The following CDH4 variants were observed in gnomAD, a reference collection of about 807,000 sequenced individuals.
The protein encoded by CDH4 is cadherin-4.
In CDH4, 33 loss-of-function variants were observed where a neutral mutation model predicts 86.0. The observed-to-expected ratio is 0.38, with a 90% CI of 0.29 to 0.51. CDH4 has a LOEUF of 0.51. Ranked by LOEUF, CDH4 falls within the 20% of genes least tolerant of loss-of-function variation. CDH4 has a pLI of 0.86. For missense variants in CDH4, 1,114 were observed against 1,307.4 expected, an observed-to-expected ratio of 0.85 and a Z score of 2.28; for synonymous variants, 555 against 549.4, an observed-to-expected ratio of 1.01 and a Z score of -0.14.
intron 4 of CDH4, among the ~76,000 whole-genome samples, chr20:61,773,996 A>G (rs1296252579): frequency 1.3e-5 from 2 of 152,274 alleles, no homozygotes; most frequent in East Asian, 1.9e-4. Flanking sequence ...AATTTTTTGT[A>G]TCCCTAACCT....
intron 3 of CDH4, among the ~76,000 whole-genome samples, chr20:61,757,008 C>T (rs1455142603): frequency 6.6e-6 from 1 of 152,244 alleles, no homozygotes; most frequent in Non-Finnish European, 1.5e-5. Context: ...AATAAATAAA[C>T]AGCAACAGTG....
rs1468230450 is a variant in CDH4 at position 61,923,622 on chromosome 20, C to T, written c.1546C>T (p.Leu516=). Residue 516 remains leucine (L), a synonymous_variant, in exon 10 of 16, where the codon CTG becomes TTG. Transcript: ENST00000614565. ...YFPSNHKLIR[L]EEGVPPGTVL... ...CCCCTCAAACCACAAGCTGATCCGC[C>T]TGGAGGAGGGCGTGCCCCCCGGCAC... 1 of 1,614,148 alleles carries T rather than the reference C, an allele frequency of 6.2e-7. No individual in the cohort carries two copies. Among genetic ancestry groups the T allele is most frequent in the South Asian group, 1.1e-5 (1 of 91,086 alleles).
intron 8 of CDH4, among the ~76,000 whole-genome samples, chr20:61,896,650 C>T (rs776634027): frequency 1.9e-4 from 29 of 152,228 alleles, no homozygotes; most frequent in Non-Finnish European, 3.8e-4. Flanking sequence ...GCCAGGAAGG[C>T]GTTCAGATGG....
At chr20:61,642,159 G>C (rs2087017686) in intron 2 of CDH4, among the ~76,000 whole-genome samples, 1 of 152,264 alleles carries the variant, frequency 6.6e-6, no homozygotes, top group Non-Finnish European at 1.5e-5. Context: ...GAAAAAATGA[G>C]TATGGTCTAG....
At position 61,902,504 on chromosome 20, in the gene CDH4, G is replaced by A. The variant is rs2054737565; in HGVS notation, c.1188+7457G>A. 6.6e-6 allele frequency among the ~76,000 whole-genome samples: 1 copy of A among 152,270 alleles called. No homozygotes were observed. The highest frequency in any genetic ancestry group is 1.5e-5 in the Non-Finnish European group (1 of 68,048). On this transcript the variant is annotated intron_variant, in intron 8 of 15. Transcript: ENST00000614565. This position sits in a 1 kb window ranked among gnomAD's most constrained non-coding sequence, Gnocchi z 4.6. ...TTCCCAGGGATTTGCAGGCAAATGA[G>A]CGGCCGTTGACACAGGGACAGGCAC...
In CDH4 at chr20:61,404,555, G is replaced by GACGCCACT. The variant is rs796586247; in HGVS notation, c.169+149619_169+149626dup. Among the ~76,000 whole-genome samples, 42 of 152,098 alleles carry GACGCCACT rather than the reference G, an allele frequency of 2.8e-4. 1 individual carries two copies. The South Asian group carries it at 8.1e-3, about 29-fold the overall frequency. On this transcript the variant is annotated intron_variant, in intron 2 of 15. Coordinates refer to ENST00000614565, the MANE Select transcript of CDH4 (RefSeq NM_001794.5). ...TGCAAGAGGAGGCCTGATTATTCCC[G>GACGCCACT]ACGCCACTTGCATTGAGGCACAGAG...
chr20:61,704,139 T>C (rs2087805624), intron 2 of CDH4, among the ~76,000 whole-genome samples: 1 of 152,036 alleles, frequency 6.6e-6, no homozygotes, highest in African/African-American at 2.4e-5. Context: ...GTCAGGACAG[T>C]CCTCGGCATC....
chr20:61,712,812 C>T (rs1180433788), intron 2 of CDH4, among the ~76,000 whole-genome samples: 1 of 152,188 alleles, frequency 6.6e-6, no homozygotes, highest in Non-Finnish European at 1.5e-5. Context: ...TCAGAGCTGG[C>T]CCCATGCCCT....
At chr20:61,466,691 G>C (rs1307548992) in intron 2 of CDH4, among the ~76,000 whole-genome samples, 2 of 151,790 alleles carry the variant, frequency 1.3e-5, no homozygotes, top group East Asian at 3.9e-4. Flanking sequence ...CTATACAAAA[G>C]TATTAAAAAA....
At position 61,660,638 on chromosome 20, in the gene CDH4, G is replaced by A. The variant is rs60763673; in HGVS notation, c.170-82925G>A. Among the ~76,000 whole-genome samples the A allele has an allele frequency of 1.1e-4, 17 of 152,216 alleles. No individual in the cohort carries two copies. In the East Asian group the frequency reaches 1.9e-3, roughly 17 times the overall value. ...CGTTCCCGGCAGGACCTGTGGGTTC[G>A]TGGATGTCACTGAGTCTGGACCCTC... On this transcript the variant is annotated intron_variant, in intron 2 of 15. Transcript: ENST00000614565.
intron 2 of CDH4, among the ~76,000 whole-genome samples, chr20:61,565,275 T>TCGGTGGTAGG (rs2086276281): frequency 1.2e-5 from 1 of 86,220 alleles, no homozygotes; most frequent in Non-Finnish European, 2.3e-5. Context: ...GGTGGTCCTC[T>TCGGTGGTAGG]TGGTGATGGG....
At chr20:61,445,133 C>G (rs372788000) in intron 2 of CDH4, among the ~76,000 whole-genome samples, 4 of 152,142 alleles carry the variant, frequency 2.6e-5, no homozygotes, top group East Asian at 1.9e-4. Flanking sequence ...ACTCTTCCCC[C>G]ACTCCCTATT....
chr20:61,550,775 A>G (rs920845426), intron 2 of CDH4, among the ~76,000 whole-genome samples: 2 of 152,126 alleles, frequency 1.3e-5, no homozygotes, highest in Non-Finnish European at 2.9e-5. Flanking sequence ...CTTCTGGATT[A>G]GGACCTGGCC....
rs2088235811 is a variant in CDH4 at position 61,734,492 on chromosome 20, A to G, written c.170-9071A>G. On this transcript the variant is annotated intron_variant, in intron 2 of 15. Transcript: ENST00000614565. ...CATGCTTTGCATTGGGGCATCTACT[A>G]CACGGGATCTGGAGGTGCCCAGAGC... is the stretch of plus-strand genomic sequence containing the variant. Among the ~76,000 whole-genome samples the G allele has an allele frequency of 3.9e-5, 6 of 152,370 alleles. No individual in the cohort carries two copies. In the South Asian group the frequency reaches 1.2e-3, roughly 32 times the overall value.
At chr20:61,577,783 C>T (rs1414591288) in intron 2 of CDH4, among the ~76,000 whole-genome samples, 1 of 152,020 alleles carries the variant, frequency 6.6e-6, no homozygotes, top group East Asian at 1.9e-4. Context: ...CTGGGCAGCC[C>T]CAGGAAAACA....
chr20:61,686,499 G>T (rs1371133185), intron 2 of CDH4, among the ~76,000 whole-genome samples: 1 of 151,604 alleles, frequency 6.6e-6, no homozygotes, highest in African/African-American at 2.4e-5. Flanking sequence ...GCATTCGCGT[G>T]TGTGTATATG....
rs755810086 is a variant in CDH4, at chr20:61,811,323, C to G, written c.577-33345C>G. Among the ~76,000 whole-genome samples, 5 of 152,186 alleles carry G rather than the reference C, an allele frequency of 3.3e-5. No homozygotes were observed. Among genetic ancestry groups the G allele is most frequent in the African/African-American group, 4.8e-5 (2 of 41,452 alleles). ...GCCGGCAGCCCAAGACCGCCCTCATCGGGGGTGGGAATGAAATGCCCCTTC... is the reference window on the plus strand; with the variant it reads ...GCCGGCAGCCCAAGACCGCCCTCATGGGGGGTGGGAATGAAATGCCCCTTC... On this transcript the variant is annotated intron_variant, in intron 4 of 15. Transcript: ENST00000614565. This position sits in a 1 kb window ranked among gnomAD's most constrained non-coding sequence, Gnocchi z 4.4.
intron 2 of CDH4, among the ~76,000 whole-genome samples, chr20:61,605,451 TTCTCTG>T (rs997546797): frequency 7.9e-5 from 12 of 151,282 alleles, no homozygotes; most frequent in Non-Finnish European, 1.5e-4. Context: ...CTCTCTCTCT[TTCTCTG>T]TCTCTGTCTC....
chr20:61,366,976 T>A (rs1194499753), intron 2 of CDH4, among the ~76,000 whole-genome samples: 1 of 152,116 alleles, frequency 6.6e-6, no homozygotes, highest in Non-Finnish European at 1.5e-5. Context: ...TTGCGGACCC[T>A]CCAGACACCA....
Sources: gnomAD v4.1 joint callset for allele counts (sites outside exome capture counted in the v4.1 genomes callset) on GRCh38, gnomAD v4.1.1 for gene constraint, Gnocchi (gnomAD v3.1) non-coding constraint, MANE v1.5 for transcripts, NCBI Gene and HGNC (gene_info 2026-07-23, HGNC 2026-07-21) for gene names.